KRTAP13-3: variants seen among roughly 807,000 people sequenced by gnomAD.
KRTAP13-3 encodes the protein keratin-associated protein 13-3.
For missense variants in KRTAP13-3, 243 were observed against 202.8 expected, an observed-to-expected ratio of 1.20 and a Z score of -1.20; for synonymous variants, 98 against 79.4, an observed-to-expected ratio of 1.23 and a Z score of -1.25.
Position 30,425,924 on chromosome 21 carries a change from G to C in KRTAP13-3, c.-12C>G, listed in dbSNP as rs1245061196. On this transcript the variant is annotated 5_prime_UTR_variant, in exon 1 of 1. In the 5' UTR this introduces an upstream ATG that the reference lacks. Transcript: ENST00000390690. ...CAGTTGTAGGACATGTTGACGGGAA[G>C]ATGTGAGTTCAGCTGAGTGTACCTG... The C allele has an allele frequency of 1.2e-6, 2 of 1,603,644 alleles. No homozygotes were observed. Among genetic ancestry groups the C allele is most frequent in the Middle Eastern group, 1.7e-4 (1 of 5,986 alleles).
chr21:30,425,548 C>T (rs1232040807), exon 1 of KRTAP13-3: 2 of 1,614,090 alleles, frequency 1.2e-6, no homozygotes, highest in Non-Finnish European at 1.7e-6. Flanking sequence ...ATTGGATCCA[C>T]AGCCCAGTGA....
exon 1 of KRTAP13-3, chr21:30,425,507 T>C (rs758599717): frequency 3.7e-6 from 6 of 1,613,114 alleles, no homozygotes; most frequent in South Asian, 1.1e-5. Context: ...GAAGGGGAGG[T>C]ATGGATTCTA....
the KRTAP13-3 span, chr21:30,425,443 C>T: frequency 6.3e-7 from 1 of 1,597,866 alleles, no homozygotes; most frequent in East Asian, 2.2e-5. Context: ...TGAATGGAAC[C>T]ACCTTCTAGG....
At chr21:30,425,397 G>A (rs1427600881) in exon 1 of KRTAP13-3, 3 of 1,553,926 alleles carry the variant, frequency 1.9e-6, no homozygotes, top group Non-Finnish European at 2.6e-6. Context: ...ACATTAGTCA[G>A]TAGAAACCAG....
exon 1 of KRTAP13-3, chr21:30,425,682 G>C: frequency 6.2e-7 from 1 of 1,614,152 alleles, no homozygotes. Flanking sequence ...AGCAGGAGGT[G>C]TGGCAGGGGC....
chr21:30,425,849 G>A (rs372255492), exon 1 of KRTAP13-3: 4 of 1,613,996 alleles, frequency 2.5e-6, no homozygotes, highest in East Asian at 2.2e-5. Flanking sequence ...GAGGAGCCTG[G>A]GTAGTGCAAG....
Position 30,425,418 on chromosome 21 carries a change from T to C in KRTAP13-3, c.495A>G (p.Pro165=), listed in dbSNP as rs910463156. 21 of 1,573,988 alleles carry C rather than the reference T, an allele frequency of 1.3e-5. No individual in the cohort carries two copies. The Admixed American group carries it at 2.7e-4, about 20-fold the overall frequency. ...GTCAGTAGAAACCAGATCTACAGAA[T>C]GGCTGATAACAAGATGAATGGAACC... is the stretch of plus-strand genomic sequence containing the variant. Residue 165 remains proline, a synonymous_variant, in exon 1 of 1, where the codon CCA becomes CCG. Transcript: ENST00000390690.
exon 1 of KRTAP13-3, chr21:30,425,637 G>A: frequency 1.2e-6 from 2 of 1,614,182 alleles, no homozygotes; most frequent in Non-Finnish European, 1.7e-6. Context: ...GCATAGTCAG[G>A]CAAGAATTGC....
At chr21:30,425,701 A>G (rs755796535) in exon 1 of KRTAP13-3, 2 of 1,614,100 alleles carry the variant, frequency 1.2e-6, no homozygotes, top group Non-Finnish European at 1.7e-6. Flanking sequence ...GCTGGACTCA[A>G]CACACAATGT....
exon 1 of KRTAP13-3, chr21:30,425,536 C>A: frequency 6.2e-7 from 1 of 1,614,040 alleles, no homozygotes; most frequent in Non-Finnish European, 8.5e-7. Flanking sequence ...ATATCTGAAG[C>A]CATTGGATCC....
exon 1 of KRTAP13-3, chr21:30,425,410 C>T: frequency 6.4e-7 from 1 of 1,567,008 alleles, no homozygotes; most frequent in Non-Finnish European, 8.7e-7. Flanking sequence ...GAAACCAGAT[C>T]TACAGAATGG....
At chr21:30,425,495 G>A in the KRTAP13-3 span, 29 of 1,613,738 alleles carry the variant, frequency 1.8e-5, no homozygotes, top group Admixed American at 6.7e-5. Context: ...CTATAACTCT[G>A]GGAAGGGGAG....
chr21:30,425,824 T>C (rs771422562), exon 1 of KRTAP13-3: 2 of 1,613,848 alleles, frequency 1.2e-6, no homozygotes, highest in Non-Finnish European at 1.7e-6. Context: ...GTTGCTGGGG[T>C]AGGAAGAGCC....
At chr21:30,425,539 T>C (rs1249454505) in exon 1 of KRTAP13-3, 2 of 1,613,988 alleles carry the variant, frequency 1.2e-6, no homozygotes, top group Admixed American at 1.7e-5. Flanking sequence ...TCTGAAGCCA[T>C]TGGATCCACA....
chr21:30,425,737 G>T (rs539990741), exon 1 of KRTAP13-3: 13 of 1,614,196 alleles, frequency 8.1e-6, no homozygotes, highest in Middle Eastern at 1.6e-4. Flanking sequence ...CCTCCAGCAG[G>T]TCTCCTGACA....
At chr21:30,425,570 T>C (rs1601123706) in exon 1 of KRTAP13-3, 2 of 1,614,012 alleles carry the variant, frequency 1.2e-6, no homozygotes, top group Non-Finnish European at 1.7e-6. Context: ...GAGCAGCTCC[T>C]GGATCCACAG....
At chr21:30,425,845 C>T (rs1568846909) in exon 1 of KRTAP13-3, 1 of 1,614,094 alleles carries the variant, frequency 6.2e-7, no homozygotes, top group Admixed American at 1.7e-5. Flanking sequence ...ACAGGAGGAG[C>T]CTGGGTAGTG....
exon 1 of KRTAP13-3, chr21:30,425,790 G>C (rs1395765092): frequency 6.2e-7 from 1 of 1,614,204 alleles, no homozygotes; most frequent in African/African-American, 1.3e-5. Flanking sequence ...TGCTGGGAGA[G>C]CAGAGGTCAG....
exon 1 of KRTAP13-3, chr21:30,425,389 A>T (rs1471618561): frequency 6.5e-7 from 1 of 1,536,332 alleles, no homozygotes; most frequent in East Asian, 2.3e-5. Flanking sequence ...CAGTCACCAC[A>T]TTAGTCAGTA....
Sources: allele counts gnomAD v4.1 joint callset, GRCh38; gene constraint gnomAD v4.1.1; transcripts MANE v1.5; gene names NCBI Gene and HGNC (gene_info 2026-07-23, HGNC 2026-07-21).